The following TEK variants were observed in gnomAD, a reference collection of about 807,000 sequenced individuals.
The protein encoded by TEK is TEK receptor tyrosine kinase, also known as angiopoietin-1 receptor.
In TEK, 43 loss-of-function variants were observed where a neutral mutation model predicts 131.8. The observed-to-expected ratio is 0.33, with a 90% CI of 0.26 to 0.42. The LOEUF is 0.42. TEK is among the 10% of genes least tolerant of loss of function. The pLI is 1.00. For missense variants in TEK, 1,162 were observed against 1,384.4 expected (o/e 0.84, Z 2.55); for synonymous variants, 580 against 491.6 (o/e 1.18, Z -2.38).
intron 12 of TEK, among the ~76,000 whole-genome samples, chr9:27,198,855 G>A (rs1268097631): frequency 6.6e-6 from 1 of 152,196 alleles, no homozygotes; most frequent in Non-Finnish European, 1.5e-5. Context: ...CTGGTGAGCA[G>A]TGGTGCCATT....
At chr9:27,181,371 T>C (rs1192891122) in intron 7 of TEK, among the ~76,000 whole-genome samples, 1 of 152,210 alleles carries the variant, frequency 6.6e-6, no homozygotes, top group Non-Finnish European at 1.5e-5. Flanking sequence ...ATATATTTAT[T>C]GAAAAAAATC....
chr9:27,113,241 G>A (rs1020341298), intron 1 of TEK, among the ~76,000 whole-genome samples: 4 of 152,274 alleles, frequency 2.6e-5, no homozygotes, highest in African/African-American at 7.2e-5. Flanking sequence ...GGGTTGTGAT[G>A]AGAATCAAAT....
At chr9:27,142,789 C>T (rs901730200) in intron 1 of TEK, among the ~76,000 whole-genome samples, 1 of 152,302 alleles carries the variant, frequency 6.6e-6, no homozygotes, top group South Asian at 2.1e-4. Context: ...CTTTAGTCAT[C>T]GCTGTTGCTT....
chr9:27,164,380 C>T (rs10967747), intron 2 of TEK, among the ~76,000 whole-genome samples: 18,745 of 147,350 alleles, frequency 0.13, 1,759 homozygotes, highest in East Asian at 0.58. Flanking sequence ...AGTGCAGTGG[C>T]GCAATCTCAG....
chr9:27,111,480 T>C (rs148395120), intron 1 of TEK, among the ~76,000 whole-genome samples: 6 of 151,844 alleles, frequency 4.0e-5, no homozygotes, highest in Non-Finnish European at 7.4e-5. Context: ...TAAAGGTTTA[T>C]CTCTCTAGTC....
chr9:27,113,059 A>G (rs1364834345), intron 1 of TEK, among the ~76,000 whole-genome samples: 1 of 152,236 alleles, frequency 6.6e-6, no homozygotes. Context: ...CTAAGAGCAC[A>G]TCCATGAAGC....
Position 27,151,001 on chromosome 9 carries a change from A to C in TEK, c.53-6830A>C, listed in dbSNP as rs376486296. Reference sequence around the variant, plus strand: ...CTTGGTACAACTCCTGGGTGAGCACAGGAGTTTGTTGTTAGAGAGTCACAG... The same window carrying C: ...CTTGGTACAACTCCTGGGTGAGCACCGGAGTTTGTTGTTAGAGAGTCACAG... On this transcript the variant is annotated intron_variant, in intron 1 of 22. Coordinates refer to ENST00000380036, the MANE Select transcript of TEK (RefSeq NM_000459.5). Among the ~76,000 whole-genome samples the C allele has an allele frequency of 2.1e-3, 322 of 152,292 alleles. 2 individuals are homozygous for C. Among genetic ancestry groups the C allele is most frequent in the African/African-American group, 7.7e-3 (318 of 41,566 alleles).
intron 13 of TEK, among the ~76,000 whole-genome samples, chr9:27,203,630 C>T (rs1261267052): frequency 6.6e-6 from 1 of 152,168 alleles, no homozygotes; most frequent in African/African-American, 2.4e-5. Context: ...CTCTGGATGC[C>T]ATACTGTGCC....
At chr9:27,225,063 C>T (rs1028301565) in intron 21 of TEK, among the ~76,000 whole-genome samples, 19 of 152,096 alleles carry the variant, frequency 1.2e-4, no homozygotes, top group Admixed American at 3.9e-4. Context: ...ATGTGAAGGA[C>T]CTCTTCAAGG....
chr9:27,138,064 T>C (rs7039579), intron 1 of TEK, among the ~76,000 whole-genome samples: 22,070 of 151,984 alleles, frequency 0.15, 2,463 homozygotes, highest in African/African-American at 0.31. Context: ...CCAGAGTTGT[T>C]TGTTCCTTCC....
intron 1 of TEK, among the ~76,000 whole-genome samples, chr9:27,145,073 G>A (rs1429277505): frequency 6.6e-6 from 1 of 152,156 alleles, no homozygotes; most frequent in East Asian, 1.9e-4. Context: ...GGTTAGGTTA[G>A]GTGAGTGGTC....
At chr9:27,208,311 C>A (rs1447765014) in intron 15 of TEK, among the ~76,000 whole-genome samples, 1 of 152,060 alleles carries the variant, frequency 6.6e-6, no homozygotes, top group Non-Finnish European at 1.5e-5. Context: ...TTTATGGCCA[C>A]CAGCACCTCA....
At chr9:27,167,947 C>T (rs1564072130) in intron 2 of TEK, among the ~76,000 whole-genome samples, 1 of 151,714 alleles carries the variant, frequency 6.6e-6, no homozygotes, top group Non-Finnish European at 1.5e-5. Flanking sequence ...AGTATCAGGA[C>T]TTAGTTTGAT....
intron 2 of TEK, among the ~76,000 whole-genome samples, chr9:27,164,623 GTCTTGATT>G (rs1173233913): frequency 6.6e-6 from 1 of 152,126 alleles, no homozygotes; most frequent in Non-Finnish European, 1.5e-5. Context: ...CTGGCCTACA[GTCTTGATT>G]TCTTAAGCTC....
At chr9:27,115,945 A>G (rs1447423202) in intron 1 of TEK, among the ~76,000 whole-genome samples, 1 of 152,236 alleles carries the variant, frequency 6.6e-6, no homozygotes, top group Non-Finnish European at 1.5e-5. Flanking sequence ...TGTTTGTTCT[A>G]TCATGTCATA....
intron 9 of TEK, 54 bp from the exon 10 acceptor site, chr9:27,190,475 A>C: frequency 6.2e-7 from 1 of 1,609,574 alleles, no homozygotes; most frequent in Non-Finnish European, 8.5e-7. Flanking sequence ...ACCTAAGAAC[A>C]ATCACAAAAC....
In TEK at chr9:27,197,551, G is replaced by A. The variant is rs760595005; in HGVS notation, c.1861G>A (p.Ala621Thr). ...YVVRARVNTK[A>T]QGEWSEDLTA... ...GGTCCGAGCTAGAGTCAACACCAAG[G>A]CCCAGGGGGAATGGAGTGAAGATCT... The change falls in exon 12 of 23, where the codon GCC (alanine) becomes ACC (threonine). Residue 621 changes from alanine (A) to threonine (T), a missense_variant. Physicochemically the swap from Ala to Thr is moderately conservative, Grantham distance 58. Transcript: ENST00000380036. 2 of 1,614,040 alleles carry A rather than the reference G, an allele frequency of 1.2e-6. No homozygotes were observed. The highest frequency in any genetic ancestry group is 8.5e-7 in the Non-Finnish European group (1 of 1,179,988).
chr9:27,191,819 C>T (rs1349078760), intron 10 of TEK: 3 of 404,782 alleles, frequency 7.4e-6, no homozygotes, highest in Non-Finnish European at 1.4e-5. Context: ...CCTTTGTCTA[C>T]AAGTGGACAT....
chr9:27,167,578 G>A (rs949332089), intron 2 of TEK, among the ~76,000 whole-genome samples: 4 of 152,144 alleles, frequency 2.6e-5, no homozygotes, highest in Non-Finnish European at 5.9e-5. Flanking sequence ...CCAGTTACAT[G>A]TCAGTACTGT....
Sources: gnomAD v4.1 joint callset for allele counts (sites outside exome capture counted in the v4.1 genomes callset) on GRCh38, gnomAD v4.1.1 for gene constraint, MANE v1.5 for transcripts, NCBI Gene and HGNC (gene_info 2026-07-23, HGNC 2026-07-21) for gene names.